Variants in PIAS1 observed in about 807,000 individuals in gnomAD.
PIAS1 encodes the protein protein inhibitor of activated STAT 1.
In PIAS1, 6 loss-of-function variants were observed where a neutral mutation model predicts 71.3. That is an observed-to-expected ratio of 0.08 (90% CI 0.05 to 0.17). PIAS1 has a LOEUF of 0.17. Ranked by LOEUF, PIAS1 falls within the 10% of genes least tolerant of loss-of-function variation. PIAS1 has a pLI of 1.00. For missense variants in PIAS1, 555 were observed against 793.6 expected (o/e 0.70, Z 3.61); for synonymous variants, 303 against 292.9 (o/e 1.03, Z -0.35).
intron 2 of PIAS1, among the ~76,000 whole-genome samples, chr15:68,088,947 A>C (rs1018577163): frequency 2.6e-4 from 40 of 152,202 alleles, no homozygotes; most frequent in Non-Finnish European, 1.2e-4. Flanking sequence ...CTTCATTTCT[A>C]AACGTACATA....
chr15:68,165,474 C>G (rs2092952108), intron 8 of PIAS1, among the ~76,000 whole-genome samples: 2 of 152,092 alleles, frequency 1.3e-5, no homozygotes, highest in Non-Finnish European at 2.9e-5. Context: ...CCATGATTAC[C>G]CACACATCTC....
At chr15:68,104,521 T>A (rs955020137) in intron 2 of PIAS1, among the ~76,000 whole-genome samples, 6 of 152,210 alleles carry the variant, frequency 3.9e-5, no homozygotes, top group Non-Finnish European at 7.4e-5. Flanking sequence ...CATAGTTGTT[T>A]CTTCAAAATT....
chr15:68,135,486 G>GGC (rs1268728081), intron 2 of PIAS1, among the ~76,000 whole-genome samples: 1 of 568 alleles, frequency 1.8e-3, no homozygotes, highest in Non-Finnish European at 0.014. Flanking sequence ...CGGCTGGCCG[G>GGC]GGGGGGCTAA....
intron 1 of PIAS1, among the ~76,000 whole-genome samples, chr15:68,068,157 G>C (rs569442389): frequency 1.3e-5 from 2 of 152,274 alleles, no homozygotes; most frequent in African/African-American, 2.4e-5. Flanking sequence ...CAGATTGCTT[G>C]AGTGCAGGAG....
intron 2 of PIAS1, among the ~76,000 whole-genome samples, chr15:68,119,551 A>T (rs551952074): frequency 1.3e-5 from 2 of 152,134 alleles, no homozygotes; most frequent in Non-Finnish European, 2.9e-5. Context: ...TATGACTTGA[A>T]TCCTCTTAAG....
At position 68,054,675 on chromosome 15, in the gene PIAS1, G is replaced by T. The variant is rs1477702542; in HGVS notation, c.24+325G>T. Reference sequence around the variant, plus strand: ...ATGGGCTCGGCTTTTTCACCTTCCAGTTAGCCTCCCTGCCCCCCATGGGGA... The same window carrying T: ...ATGGGCTCGGCTTTTTCACCTTCCATTTAGCCTCCCTGCCCCCCATGGGGA... On this transcript the variant is annotated intron_variant, in intron 1 of 13. Coordinates refer to ENST00000249636, the MANE Select transcript of PIAS1 (RefSeq NM_016166.3). The surrounding 1 kb of genome is among the most constrained non-coding windows in gnomAD (Gnocchi z 4.6). 1.2e-5 allele frequency: 3 copies of T among 254,000 alleles called. No individual in the cohort carries two copies. Among genetic ancestry groups the T allele is most frequent in the Non-Finnish European group, 2.2e-5 (3 of 133,780 alleles). The allele number at this position is 254,000 out of a possible 1,614,324, so 15.7% of individuals were successfully genotyped here. A position where few individuals can be genotyped will look rare whatever the true frequency, so the allele number is the denominator to read the frequency against.
chr15:68,064,424 G>C (rs538338118), intron 1 of PIAS1, among the ~76,000 whole-genome samples: 1 of 152,280 alleles, frequency 6.6e-6, no homozygotes, highest in South Asian at 2.1e-4. Flanking sequence ...TGGAAGAACT[G>C]CATAACTCAG....
chr15:68,064,091 T>C (rs1057420402), intron 1 of PIAS1, among the ~76,000 whole-genome samples: 1 of 152,192 alleles, frequency 6.6e-6, no homozygotes, highest in African/African-American at 2.4e-5. Flanking sequence ...AAAGAACTTG[T>C]GCAGTTGAGT....
At chr15:68,134,531 G>A (rs1307370117) in intron 2 of PIAS1, among the ~76,000 whole-genome samples, 1 of 50,004 alleles carries the variant, frequency 2.0e-5, no homozygotes, top group African/African-American at 4.1e-5. Context: ...GCGGCTGGCC[G>A]GGCAGAGGGG....
chr15:68,181,113 A>C, intron 11 of PIAS1, 99 bp from the exon 12 acceptor site: 2 of 940,946 alleles, frequency 2.1e-6, no homozygotes, highest in Non-Finnish European at 1.7e-6. Flanking sequence ...TATTTCCAGC[A>C]CTAAACCGAG....
chr15:68,070,425 A>C (rs2092082478), intron 1 of PIAS1, among the ~76,000 whole-genome samples: 1 of 152,206 alleles, frequency 6.6e-6, no homozygotes, highest in South Asian at 2.1e-4. Flanking sequence ...TCTGCTGGAA[A>C]TGTCTAAGAT....
At chr15:68,124,577 C>T (rs531152510) in intron 2 of PIAS1, among the ~76,000 whole-genome samples, 5 of 151,852 alleles carry the variant, frequency 3.3e-5, no homozygotes, top group South Asian at 2.1e-4. Context: ...CAAAATTAGC[C>T]GGGTGTGGTG....
intron 12 of PIAS1, among the ~76,000 whole-genome samples, chr15:68,182,681 A>G (rs895841264): frequency 7.2e-5 from 11 of 152,122 alleles, no homozygotes; most frequent in Non-Finnish European, 1.5e-4. Context: ...TCGCTTCCCA[A>G]AGTGCTGGGA....
At chr15:68,062,121 T>G (rs528619401) in intron 1 of PIAS1, among the ~76,000 whole-genome samples, 3 of 152,372 alleles carry the variant, frequency 2.0e-5, no homozygotes, top group African/African-American at 7.2e-5. Context: ...TTCTTGCTGC[T>G]GCTTAGATGA....
rs2092937296 is a variant in PIAS1, at chr15:68,163,394, T to C, written c.935-1337T>C. Reference sequence around the variant, plus strand: ...CAGCCTGTGAAATATATTAAGACTTTGAAAATTTGGAATTTCCAGGCCATG... The same window carrying C: ...CAGCCTGTGAAATATATTAAGACTTCGAAAATTTGGAATTTCCAGGCCATG... On this transcript the variant is annotated intron_variant, in intron 7 of 13. Coordinates refer to ENST00000249636, the MANE Select transcript of PIAS1 (RefSeq NM_016166.3). Among the ~76,000 whole-genome samples the C allele has an allele frequency of 2.0e-5, 3 of 152,232 alleles. No individual in the cohort carries two copies. In the South Asian group the frequency reaches 6.2e-4, roughly 32 times the overall value.
At position 68,173,896 on chromosome 15, in the gene PIAS1, T is replaced by C; in HGVS notation, c.1169+4T>C. ...ATGAACACCTTATTATTGATGGGTA[T>C]GTTACTTTAAGTGTTTTTGGTACCT... On this transcript the variant is annotated splice_donor_region_variant and intron_variant, in intron 9 of 13. Transcript: ENST00000249636. The surrounding 1 kb of genome is among the most constrained non-coding windows in gnomAD (Gnocchi z 4.3). 1.3e-6 allele frequency: 2 copies of C among 1,497,174 alleles called. No individual in the cohort carries two copies. The highest frequency in any genetic ancestry group is 1.8e-6 in the Non-Finnish European group (2 of 1,108,122). 92.7% of individuals were successfully genotyped at this position (1,497,174 alleles called of 1,614,324 possible).
intron 2 of PIAS1, among the ~76,000 whole-genome samples, chr15:68,118,778 C>G (rs552642537): frequency 1.3e-5 from 2 of 152,168 alleles, no homozygotes; most frequent in African/African-American, 2.4e-5. Context: ...TGTATGTCTT[C>G]TTTTAAGAAA....
intron 1 of PIAS1, among the ~76,000 whole-genome samples, chr15:68,068,795 T>C (rs1375407850): frequency 1.3e-5 from 2 of 151,602 alleles, no homozygotes; most frequent in Non-Finnish European, 1.5e-5. Flanking sequence ...GTGTCAATGC[T>C]CTCATCCACG....
intron 2 of PIAS1, among the ~76,000 whole-genome samples, chr15:68,124,218 T>C (rs1197041421): frequency 6.6e-6 from 1 of 152,156 alleles, no homozygotes; most frequent in Admixed American, 6.5e-5. Context: ...GGTATTACTC[T>C]TGCATTCTTC....
Sources: allele counts gnomAD v4.1 joint callset (sites outside exome capture counted in the v4.1 genomes callset), GRCh38; gene constraint gnomAD v4.1.1; non-coding constraint Gnocchi (gnomAD v3.1); transcripts MANE v1.5; gene names NCBI Gene and HGNC (gene_info 2026-07-23, HGNC 2026-07-21).